The following RPS9 variants were observed in gnomAD, a reference collection of about 807,000 sequenced individuals.
RPS9 encodes the protein small ribosomal subunit protein uS4.
A neutral mutation model predicts 16.9 loss-of-function variants in RPS9; 1 was observed. The observed-to-expected ratio is 0.06, with a 90% CI of 0.02 to 0.28. The LOEUF (loss-of-function observed/expected upper bound fraction) is 0.28, where lower values mean the gene tolerates loss of function less well. Among genes scored for constraint, RPS9 ranks in the 10% least tolerant of loss-of-function variants. The probability of loss-of-function intolerance (pLI) is 1.00; values close to 1 mark genes in which losing one functional copy is unlikely to be tolerated. For missense variants in RPS9, 137 were observed against 273.2 expected (o/e 0.50, Z 3.51); for synonymous variants, 106 against 110.9 (o/e 0.96, Z 0.28).
intron 1 of RPS9, 102 bp from the exon 2 acceptor site, chr19:54,201,058 T>C (rs1410170476): frequency 6.6e-7 from 1 of 1,511,104 alleles, no homozygotes; most frequent in Admixed American, 2.2e-5. Context: ...TTGGAGGTTA[T>C]TCTCGCGAGA....
Position 54,200,889 on chromosome 19 carries a change from G to T in RPS9, c.-26+1G>T, listed in dbSNP as rs1409236385. 3 of 918,862 alleles carry T rather than the reference G, an allele frequency of 3.3e-6. No individual in the cohort carries two copies. In the East Asian group the frequency reaches 1.6e-4, roughly 48 times the overall value. 56.9% of individuals were successfully genotyped at this position (918,862 alleles called of 1,614,324 possible). A position where few individuals can be genotyped will look rare whatever the true frequency, so the allele number is the denominator to read the frequency against. ...CTCAGTGACCGGGTGGTTTGCTTAG[G>T]TGAGGTGCGGTGGTGTGCTTTTTCT... On this transcript the variant is annotated splice_donor_variant, in intron 1 of 4. Transcript: ENST00000302907. LOFTEE classifies it low-confidence loss of function (5UTR_SPLICE).
chr19:54,203,570 A>T (rs921223049), intron 3 of RPS9, among the ~76,000 whole-genome samples: 2 of 152,042 alleles, frequency 1.3e-5, no homozygotes. Flanking sequence ...ACCTCAAGTC[A>T]GAGACCAGCC....
chr19:54,206,923 T>G, intron 4 of RPS9: 1 of 519,006 alleles, frequency 1.9e-6, no homozygotes, highest in South Asian at 2.5e-5. Flanking sequence ...GGGCAAGATG[T>G]TTGCGTTTAG....
intron 3 of RPS9, chr19:54,203,151 C>T (rs1005038634): frequency 2.1e-6 from 2 of 940,186 alleles, no homozygotes; most frequent in Non-Finnish European, 2.5e-6. Flanking sequence ...GGAGGACTTT[C>T]TGGACATAGA....
Position 54,207,558 on chromosome 19 carries a change from G to T in RPS9, c.568G>T (p.Asp190Tyr). The T allele has an allele frequency of 1.9e-6, 3 of 1,610,600 alleles. No individual in the cohort carries two copies. Among genetic ancestry groups the T allele is most frequent in the Non-Finnish European group, 2.5e-6 (3 of 1,179,124 alleles). Reference protein sequence around the residue: ...KGQGGAGAGDDEEED With the variant: ...KGQGGAGAGDYEEED ...CCAGGGTGGGGCTGGGGCTGGAGAC[G>T]ACGAGGAGGAGGATTAAGTCCACCT... Residue 190 changes from aspartate to tyrosine, a missense_variant, in exon 5 of 5, where the codon GAC becomes TAC. Physicochemically the swap from Asp to Tyr is radical, Grantham distance 160. Around this residue, in one of 3 missense-constraint regions of RPS9, gnomAD observed 19 missense variants for 18.2 expected, o/e 1.04. Coordinates refer to ENST00000302907, the MANE Select transcript of RPS9 (RefSeq NM_001013.4).
chr19:54,204,798 GC>G (rs2077185405), intron 3 of RPS9, among the ~76,000 whole-genome samples: 1 of 151,984 alleles, frequency 6.6e-6, no homozygotes, highest in South Asian at 2.1e-4. Flanking sequence ...CATTTTCATT[GC>G]CTTTTGGACA....
chr19:54,204,018 A>AT (rs2077156159), intron 3 of RPS9, among the ~76,000 whole-genome samples: 1 of 152,044 alleles, frequency 6.6e-6, no homozygotes, highest in African/African-American at 2.4e-5. Context: ...GTTGAAAACT[A>AT]TTGTCTTCAT....
At position 54,207,390 on chromosome 19, in the gene RPS9, G is replaced by T. The variant is rs2304523; in HGVS notation, c.408-8G>T. The T allele has an allele frequency of 0.19, 310,093 of 1,604,306 alleles. 36,965 individuals are homozygous for T. Among genetic ancestry groups the T allele is most frequent in the East Asian group, 0.51 (22,656 of 44,602 alleles). ...CTCCAGTCCACCTCACCTTGTCGCT[G>T]CTTCCAGGGTCCGCAAGCAGGTGGT... On this transcript the variant is annotated splice_polypyrimidine_tract_variant and splice_region_variant and intron_variant, in intron 4 of 4. Transcript: ENST00000302907.
chr19:54,204,432 C>T (rs1327608934), intron 3 of RPS9, among the ~76,000 whole-genome samples: 1 of 152,168 alleles, frequency 6.6e-6, no homozygotes, highest in Non-Finnish European at 1.5e-5. Flanking sequence ...TGGTGACGAT[C>T]TCACTTTGTC....
chr19:54,206,046 C>T (rs1230193008), intron 3 of RPS9, among the ~76,000 whole-genome samples: 1 of 152,198 alleles, frequency 6.6e-6, no homozygotes. Context: ...TCTCAAACTC[C>T]TGACCTCAAG....
At chr19:54,202,949 C>T (rs996614049) in intron 3 of RPS9, 2 of 969,318 alleles carry the variant, frequency 2.1e-6, no homozygotes, top group Non-Finnish European at 2.5e-6. Flanking sequence ...CCATCCACCT[C>T]AGCTTTCCAA....
intron 4 of RPS9, chr19:54,206,833 A>C: frequency 1.1e-6 from 1 of 943,600 alleles, no homozygotes; most frequent in South Asian, 1.8e-5. Context: ...CCAGACCCCG[A>C]TCCATGACTG....
chr19:54,202,249 A>G (rs1019582813), intron 3 of RPS9: 2 of 177,888 alleles, frequency 1.1e-5, no homozygotes, highest in South Asian at 1.9e-4. Flanking sequence ...TAGTTGTCGC[A>G]ATCTTGGCTC....
intron 2 of RPS9, 78 bp downstream of exon 2, chr19:54,201,359 C>CG: frequency 6.2e-7 from 1 of 1,608,250 alleles, no homozygotes; most frequent in Non-Finnish European, 8.5e-7. Context: ...CCCATGTACT[C>CG]TATCTAGTCC....
intron 3 of RPS9, among the ~76,000 whole-genome samples, chr19:54,203,913 A>G (rs187939574): frequency 3.3e-5 from 5 of 152,246 alleles, no homozygotes; most frequent in East Asian, 3.9e-4. Flanking sequence ...CCTGGTTTGC[A>G]TTTTTAAAGC....
intron 4 of RPS9, 119 bp from the exon 5 acceptor site, chr19:54,207,279 G>T (rs563701008): frequency 2.5e-6 from 2 of 803,816 alleles, no homozygotes; most frequent in East Asian, 2.6e-5. Context: ...TTCCTGCAGC[G>T]CCTTGGTGTC....
intron 3 of RPS9, chr19:54,203,028 C>G: frequency 2.0e-6 from 2 of 984,932 alleles, no homozygotes; most frequent in Non-Finnish European, 2.4e-6. Flanking sequence ...TTGTAGACCC[C>G]GTTGATAATC....
intron 3 of RPS9, chr19:54,202,859 G>A (rs144882269): frequency 1.0e-6 from 1 of 985,292 alleles, no homozygotes; most frequent in African/African-American, 1.7e-5. Context: ...GCTTGCAGAT[G>A]TTAGAAGCTT....
At chr19:54,207,168 T>A in intron 4 of RPS9, 1 of 541,872 alleles carries the variant, frequency 1.8e-6, no homozygotes, top group East Asian at 3.0e-5. Context: ...ACTTTCGGAT[T>A]TCTCCTATAA....
Sources: gnomAD v4.1 joint callset for allele counts (sites outside exome capture counted in the v4.1 genomes callset) on GRCh38, gnomAD v4.1.1 for gene constraint, gnomAD v4.1.1 regional missense constraint, MANE v1.5 for transcripts, NCBI Gene and HGNC (gene_info 2026-07-23, HGNC 2026-07-21) for gene names.